Variants in PPM1H observed in about 807,000 individuals in gnomAD.
PPM1H encodes protein phosphatase 1H.
PPM1H carries 27 observed loss-of-function variants against 54.9 expected under a neutral mutation model. The observed-to-expected ratio is 0.49, with a 90% confidence interval of 0.36 to 0.68. PPM1H has a LOEUF of 0.68. Ranked by LOEUF, PPM1H falls within the 30% of genes least tolerant of loss-of-function variation. The probability of loss-of-function intolerance (pLI) is 0.00; values close to 1 mark genes in which losing one functional copy is unlikely to be tolerated. For synonymous variants in PPM1H, 305 were observed against 270.8 expected (o/e 1.13, Z -1.24); for missense variants, 596 against 667.8 (o/e 0.89, Z 1.19).
intron 1 of PPM1H, among the ~76,000 whole-genome samples, chr12:62,892,772 C>A (rs984930031): frequency 1.3e-5 from 2 of 152,088 alleles, no homozygotes; most frequent in African/African-American, 4.8e-5. Context: ...GTAAATACAT[C>A]CTGATTTCAG....
chr12:62,711,272 G>A (rs1218895007), intron 6 of PPM1H, among the ~76,000 whole-genome samples: 3 of 152,190 alleles, frequency 2.0e-5, no homozygotes, highest in South Asian at 2.1e-4. Flanking sequence ...GATTACAGGC[G>A]TGAGCCACTA....
intron 2 of PPM1H, among the ~76,000 whole-genome samples, chr12:62,806,153 C>A (rs2076803953): frequency 6.6e-6 from 1 of 151,388 alleles, no homozygotes. Flanking sequence ...GGCTTATCTA[C>A]CCTATGGCAA....
intron 2 of PPM1H, among the ~76,000 whole-genome samples, chr12:62,816,769 G>C (rs914203918): frequency 2.0e-5 from 3 of 151,518 alleles, no homozygotes; most frequent in Non-Finnish European, 2.9e-5. Flanking sequence ...AGAAAATAAA[G>C]TTTATTGCCC....
intron 1 of PPM1H, among the ~76,000 whole-genome samples, chr12:62,832,858 C>CT (rs1289052944): frequency 2.6e-5 from 4 of 152,076 alleles, no homozygotes; most frequent in African/African-American, 9.7e-5. Flanking sequence ...AACTCTTGGT[C>CT]TTTTTTCATG....
intron 1 of PPM1H, among the ~76,000 whole-genome samples, chr12:62,866,337 T>C (rs950991300): frequency 5.9e-5 from 9 of 152,330 alleles, no homozygotes; most frequent in Admixed American, 5.9e-4. Context: ...TAAAGCCTGT[T>C]CACAAATTCC....
intron 2 of PPM1H, among the ~76,000 whole-genome samples, chr12:62,826,519 T>C (rs1293796286): frequency 6.6e-6 from 1 of 152,218 alleles, no homozygotes; most frequent in Non-Finnish European, 1.5e-5. Context: ...TCATGAAATA[T>C]AAAGTCACAC....
chr12:62,726,008 T>C (rs1047258184), intron 5 of PPM1H, among the ~76,000 whole-genome samples: 2 of 152,224 alleles, frequency 1.3e-5, no homozygotes, highest in Non-Finnish European at 2.9e-5. Flanking sequence ...ATGCTTACCA[T>C]AGAAATTATA....
intron 3 of PPM1H, among the ~76,000 whole-genome samples, chr12:62,794,700 G>A (rs1565790596): frequency 1.3e-5 from 2 of 152,162 alleles, no homozygotes; most frequent in Non-Finnish European, 2.9e-5. Flanking sequence ...CAGTGGAATC[G>A]ACTTCCTCCA....
rs192807430 is a variant in PPM1H at position 62,917,868 on chromosome 12, G to T, written c.245+16624C>A. Among the ~76,000 whole-genome samples, 355 of 152,018 alleles carry T rather than the reference G, an allele frequency of 2.3e-3. 1 individual carries two copies. The highest frequency in any genetic ancestry group is 8.0e-3 in the African/African-American group (333 of 41,442). On this transcript the variant is annotated intron_variant, in intron 1 of 9. Coordinates refer to ENST00000228705, the MANE Select transcript of PPM1H (RefSeq NM_020700.2). ...TCCACTACACCATACTTGGTTTTTCGTGCTGTTAGATTTAGACATTTGTTT... is the reference window on the plus strand; with the variant it reads ...TCCACTACACCATACTTGGTTTTTCTTGCTGTTAGATTTAGACATTTGTTT...
intron 4 of PPM1H, among the ~76,000 whole-genome samples, chr12:62,764,864 AG>A (rs2076531946): frequency 6.6e-6 from 1 of 152,206 alleles, no homozygotes; most frequent in Non-Finnish European, 1.5e-5. Flanking sequence ...TTCAGGTAGA[AG>A]CAACTGCATG....
intron 2 of PPM1H, among the ~76,000 whole-genome samples, chr12:62,809,810 A>G (rs964732345): frequency 6.6e-6 from 1 of 152,148 alleles, no homozygotes; most frequent in Non-Finnish European, 1.5e-5. Flanking sequence ...TGCTTCCTTC[A>G]GTGGTCCTGA....
chr12:62,659,290 A>C, intron 9 of PPM1H: 1 of 482,060 alleles, frequency 2.1e-6, no homozygotes, highest in Non-Finnish European at 3.7e-6. Flanking sequence ...AAAAAAAAAA[A>C]AGAGAAAAAC....
chr12:62,927,485 C>A (rs1346578406), intron 1 of PPM1H, among the ~76,000 whole-genome samples: 2 of 151,490 alleles, frequency 1.3e-5, no homozygotes, highest in African/African-American at 4.9e-5. Flanking sequence ...CATGAGGAAA[C>A]CTCATCTCTA....
intron 5 of PPM1H, among the ~76,000 whole-genome samples, chr12:62,727,637 A>T (rs1003886520): frequency 7.2e-6 from 1 of 139,814 alleles, no homozygotes; most frequent in East Asian, 2.1e-4. Flanking sequence ...TAAAATGCAA[A>T]TATTATTATT....
intron 1 of PPM1H, among the ~76,000 whole-genome samples, chr12:62,911,603 T>C (rs1351648046): frequency 6.6e-6 from 1 of 152,202 alleles, no homozygotes; most frequent in Non-Finnish European, 1.5e-5. Context: ...TTTCTGAGTC[T>C]TTGCACATCA....
At chr12:62,882,003 T>G (rs1157280246) in intron 1 of PPM1H, among the ~76,000 whole-genome samples, 1 of 152,220 alleles carries the variant, frequency 6.6e-6, no homozygotes, top group East Asian at 1.9e-4. Flanking sequence ...ATCAGGGTTT[T>G]GTCCTAAAAA....
intron 1 of PPM1H, among the ~76,000 whole-genome samples, chr12:62,870,497 C>T (rs76352790): frequency 7.9e-5 from 12 of 151,982 alleles, no homozygotes; most frequent in Middle Eastern, 3.4e-3. Flanking sequence ...ATGGTGACAG[C>T]GGAAATGGGT....
intron 1 of PPM1H, among the ~76,000 whole-genome samples, chr12:62,915,206 GGAT>G (rs1871582816): frequency 6.6e-6 from 1 of 152,152 alleles, no homozygotes. Flanking sequence ...ACTCTTACTT[GGAT>G]GATTTTTAAC....
chr12:62,865,362 A>G (rs1592643072), intron 1 of PPM1H, among the ~76,000 whole-genome samples: 1 of 151,866 alleles, frequency 6.6e-6, no homozygotes, highest in East Asian at 1.9e-4. Flanking sequence ...CCACCCCATC[A>G]CCGTCACTGT....
Sources: allele counts gnomAD v4.1 joint callset (sites outside exome capture counted in the v4.1 genomes callset), GRCh38; gene constraint gnomAD v4.1.1; transcripts MANE v1.5; gene names NCBI Gene and HGNC (gene_info 2026-07-23, HGNC 2026-07-21).